The following DHX32 variants were observed in gnomAD, a reference collection of about 807,000 sequenced individuals.
DHX32 encodes DEAH-box helicase 32 (putative).
In DHX32, 51 loss-of-function variants were observed where a neutral mutation model predicts 70.0. The ratio of observed to expected loss-of-function variants is 0.73; its 90% CI spans 0.58 to 0.92. The LOEUF (loss-of-function observed/expected upper bound fraction) is 0.92. Among genes scored for constraint, DHX32 ranks in the 40% least tolerant of loss-of-function variants. DHX32 has a pLI of 0.00. For synonymous variants in DHX32, 310 were observed against 315.3 expected (o/e 0.98, Z 0.18); for missense variants, 762 against 891.8 (o/e 0.85, Z 1.85).
chr10:125,860,851 G>T (rs1944183030), intron 2 of DHX32, among the ~76,000 whole-genome samples: 2 of 111,544 alleles, frequency 1.8e-5, no homozygotes, highest in Non-Finnish European at 3.9e-5. Context: ...CGCCTCCCGG[G>T]TTCACGCCAT....
At chr10:125,865,765 G>A (rs1383746440) in intron 2 of DHX32, among the ~76,000 whole-genome samples, 1 of 152,158 alleles carries the variant, frequency 6.6e-6, no homozygotes, top group East Asian at 1.9e-4. Flanking sequence ...CAGAGCTCAA[G>A]CAATCCTCCT....
At position 125,841,785 on chromosome 10, in the gene DHX32, CAA is replaced by C. The variant is rs1198354046; in HGVS notation, c.1499_1500del (p.Phe500Ter). On this transcript the variant is annotated frameshift_variant, in exon 7 of 11. Coordinates refer to ENST00000284690, the MANE Select transcript of DHX32 (RefSeq NM_018180.3). LOFTEE classifies it high-confidence loss of function. The stretch of plus-strand genomic sequence containing the variant: ...ATTGTTAGCACTTCATCTACACAGT[CAA>C]ATTCACAGGACGCTAAGATAGACTT... ...LSKSILASCE[F>X]DCVDEVLTIA... 6.2e-7 allele frequency: 1 copy of C among 1,613,116 alleles called. No individual in the cohort carries two copies. Among genetic ancestry groups the C allele is most frequent in the Non-Finnish European group, 8.5e-7 (1 of 1,179,878 alleles).
At chr10:125,862,896 C>T (rs996595512) in intron 2 of DHX32, among the ~76,000 whole-genome samples, 1 of 151,550 alleles carries the variant, frequency 6.6e-6, no homozygotes, top group African/African-American at 2.4e-5. Flanking sequence ...TTCTATATAA[C>T]ACAAAGATAT....
intron 3 of DHX32, 112 bp from the exon 4 acceptor site, chr10:125,854,315 A>C: frequency 4.6e-6 from 5 of 1,085,926 alleles, no homozygotes; most frequent in Non-Finnish European, 6.3e-6. Context: ...GATACAGGGA[A>C]AGAAATCCCT....
intron 3 of DHX32, among the ~76,000 whole-genome samples, chr10:125,858,968 C>A (rs1944165228): frequency 6.6e-6 from 1 of 150,836 alleles, no homozygotes. Context: ...TGCTTGATTG[C>A]ACATTTCCAG....
intron 1 of DHX32, among the ~76,000 whole-genome samples, chr10:125,876,946 C>T (rs1944288152): frequency 6.6e-6 from 1 of 152,052 alleles, no homozygotes; most frequent in South Asian, 2.1e-4. Context: ...CACTGTTTTT[C>T]AGTAAATAAA....
chr10:125,870,816 AACAGAGCGAG>A (rs1944251623), intron 1 of DHX32, among the ~76,000 whole-genome samples: 3 of 152,216 alleles, frequency 2.0e-5, no homozygotes, highest in Middle Eastern at 3.4e-3. Flanking sequence ...CAGCCTGGGC[AACAGAGCGAG>A]ACTCTGTCTC....
intron 1 of DHX32, among the ~76,000 whole-genome samples, chr10:125,869,103 T>C (rs1486447473): frequency 6.6e-6 from 1 of 152,214 alleles, no homozygotes; most frequent in Non-Finnish European, 1.5e-5. Context: ...TTCTACATCG[T>C]TTAAGAATTT....
rs754673594 is a variant in DHX32 at position 125,881,019 on chromosome 10, G to A, written c.-195C>T. On this transcript the variant is annotated 5_prime_UTR_variant, in exon 1 of 11. Coordinates refer to ENST00000284690, the MANE Select transcript of DHX32 (RefSeq NM_018180.3). ...TCTCCGTTGCTGTGTTACCCACTGTGCTGGCTCACTACAGCACTCTTCGGC... is the reference window on the plus strand; with the variant it reads ...TCTCCGTTGCTGTGTTACCCACTGTACTGGCTCACTACAGCACTCTTCGGC... 8.2e-6 allele frequency: 5 copies of A among 610,760 alleles called. No individual in the cohort carries two copies. Among genetic ancestry groups the A allele is most frequent in the Non-Finnish European group, 1.4e-5 (5 of 359,312 alleles). 37.8% of individuals were successfully genotyped at this position (610,760 alleles called of 1,614,324 possible). A position where few individuals can be genotyped will look rare whatever the true frequency, so the allele number is the denominator to read the frequency against.
chr10:125,842,601 T>C (rs990931835), intron 6 of DHX32: 1 of 153,598 alleles, frequency 6.5e-6, no homozygotes, highest in African/African-American at 2.4e-5. Context: ...AGCTCAAAAG[T>C]ACCTCTGGGA....
chr10:125,888,941 T>A (rs1944354769), intron 1 of DHX32, among the ~76,000 whole-genome samples: 1 of 152,274 alleles, frequency 6.6e-6, no homozygotes, highest in Non-Finnish European at 1.5e-5. Context: ...ATGCCTGTAA[T>A]CTCAGCTACT....
intron 6 of DHX32, chr10:125,842,670 G>T (rs1194241228): frequency 4.9e-6 from 1 of 204,944 alleles, no homozygotes; most frequent in East Asian, 1.8e-4. Flanking sequence ...ATCCAGTAGA[G>T]AGGCATGAAA....
At chr10:125,856,493 A>G (rs1431340157) in intron 3 of DHX32, among the ~76,000 whole-genome samples, 1 of 152,246 alleles carries the variant, frequency 6.6e-6, no homozygotes, top group African/African-American at 2.4e-5. Flanking sequence ...ATTAAGTGCC[A>G]AGACACAGGG....
intron 2 of DHX32, 45 bp from the exon 3 acceptor site, chr10:125,860,020 C>T (rs1944176522): frequency 2.8e-6 from 4 of 1,439,428 alleles, no homozygotes; most frequent in Non-Finnish European, 3.7e-6. Flanking sequence ...TATGCTAACT[C>T]ATGCAAAAAA....
chr10:125,891,380 G>A (rs1370410367), intron 1 of DHX32, among the ~76,000 whole-genome samples: 511 of 152,122 alleles, frequency 3.4e-3, no homozygotes, highest in African/African-American at 0.012. Context: ...TTTGCTTGAG[G>A]CATAATCATA....
chr10:125,842,073 A>C, intron 6 of DHX32, 139 bp from the exon 7 acceptor site: 2 of 1,104,288 alleles, frequency 1.8e-6, no homozygotes, highest in Non-Finnish European at 2.4e-6. Context: ...GCCACCAAAT[A>C]CCAGGGAGTG....
At chr10:125,874,088 TAAG>T (rs1454600874) in intron 1 of DHX32, among the ~76,000 whole-genome samples, 1 of 152,210 alleles carries the variant, frequency 6.6e-6, no homozygotes, top group Non-Finnish European at 1.5e-5. Flanking sequence ...AAAAATGTAA[TAAG>T]AAAAGATTCT....
At chr10:125,879,833 G>A (rs933183052) in intron 1 of DHX32, among the ~76,000 whole-genome samples, 4 of 152,056 alleles carry the variant, frequency 2.6e-5, no homozygotes, top group Non-Finnish European at 5.9e-5. Context: ...TTGTAGAGAC[G>A]GCATTTTGCC....
rs532751248 is a variant in DHX32, at chr10:125,895,456, T to A, written c.-248+762A>T. On this transcript the variant is annotated intron_variant, in intron 1 of 2. Transcript: ENST00000415732. ...TGCCCCTGCACTTTCTTGCTTATCCTTTTTCTCTCGTCTCCATTTTTCTTT... is the reference window on the plus strand; with the variant it reads ...TGCCCCTGCACTTTCTTGCTTATCCATTTTCTCTCGTCTCCATTTTTCTTT... Among the ~76,000 whole-genome samples the A allele has an allele frequency of 1.4e-4, 22 of 152,342 alleles. No homozygotes were observed. The East Asian group carries it at 4.2e-3, about 29-fold the overall frequency.
Sources: gnomAD v4.1 joint callset for allele counts (sites outside exome capture counted in the v4.1 genomes callset) on GRCh38, gnomAD v4.1.1 for gene constraint, MANE v1.5 for transcripts, NCBI Gene and HGNC (gene_info 2026-07-23, HGNC 2026-07-21) for gene names.